Variants in ATG2B observed in about 807,000 individuals in gnomAD.
ATG2B encodes autophagy-related protein 2 homolog B.
Under a neutral mutation model 241.3 loss-of-function variants are expected in ATG2B, and 121 were observed. That is an observed-to-expected ratio of 0.50 (90% CI 0.43 to 0.58). The LOEUF (loss-of-function observed/expected upper bound fraction) is 0.58. ATG2B is among the 20% of genes least tolerant of loss of function. The pLI is 0.00. For synonymous variants in ATG2B, 858 were observed against 876.6 expected, an observed-to-expected ratio of 0.98 and a Z score of 0.37; for missense variants, 2,306 against 2,491.6, an observed-to-expected ratio of 0.93 and a Z score of 1.59.
intron 1 of ATG2B, among the ~76,000 whole-genome samples, chr14:96,351,633 G>A (rs1467880069): frequency 1.3e-5 from 2 of 152,032 alleles, no homozygotes; most frequent in Non-Finnish European, 2.9e-5. Context: ...CTACTCGGGA[G>A]GCTGAGGTAG....
intron 27 of ATG2B, 85 bp from the exon 28 acceptor site, chr14:96,311,372 G>A: frequency 7.6e-7 from 1 of 1,321,582 alleles, no homozygotes; most frequent in Non-Finnish European, 1.0e-6. Flanking sequence ...CATTAAATAA[G>A]ATTCATGATA....
At chr14:96,344,825 A>C in intron 3 of ATG2B, 69 bp from the exon 4 acceptor site, 1 of 621,134 alleles carries the variant, frequency 1.6e-6, no homozygotes, top group East Asian at 3.0e-5. Context: ...CCAAAGAAAT[A>C]AATAAGTACT....
At position 96,295,523 on chromosome 14, in the gene ATG2B, A is replaced by G. The variant is rs1255617516; in HGVS notation, c.5177T>C (p.Leu1726Pro). The G allele has an allele frequency of 1.2e-6, 2 of 1,606,940 alleles. No individual in the cohort carries two copies. The highest frequency in any genetic ancestry group is 3.4e-5 in the Admixed American group (2 of 58,352). ...CATTTGAAGCTCTACTTCTGCAGAA[A>G]GACTTGTGAAGAAATCCTTCAGGAA... ...LFFLKDFFTS[L>P]SAEVELQMTP... Residue 1726 changes from leucine to proline, a missense_variant, in exon 35 of 42, where the codon CTT becomes CCT. Physicochemically the swap from Leu to Pro is moderately conservative, Grantham distance 98. Around this residue, in one of 2 missense-constraint regions of ATG2B, gnomAD observed 379 missense variants for 480.4 expected, o/e 0.79. Coordinates refer to ENST00000359933, the MANE Select transcript of ATG2B (RefSeq NM_018036.7).
chr14:96,325,644 CT>C lies in ATG2B; in HGVS notation c.2437+4del. 1 of 1,607,590 alleles carries C rather than the reference CT, an allele frequency of 6.2e-7. No individual in the cohort carries two copies. On this transcript the variant is annotated splice_donor_region_variant and intron_variant, in intron 15 of 41. Coordinates refer to ENST00000359933, the MANE Select transcript of ATG2B (RefSeq NM_018036.7). ...TGGTTCTTTTACAGGCACATTCAAT[CT>C]TACCAATTAGTTCTCTAAAGGTAAG...
Position 96,347,326 on chromosome 14 carries a change from A to T in ATG2B, c.178T>A (p.Leu60Met). 6.3e-7 allele frequency: 1 copy of T among 1,585,404 alleles called. No individual in the cohort carries two copies. Among genetic ancestry groups the T allele is most frequent in the Non-Finnish European group, 8.6e-7 (1 of 1,158,666 alleles). ...PLDKWCLNEILESADAPLEVT... is the reference protein window; with the variant it reads ...PLDKWCLNEIMESADAPLEVT... ...TCTAAGGGTGCATCTGCTGACTCCA[A>T]GATCTCATTGAGACACTAAGGAGAA... Residue 60 changes from leucine to methionine, a missense_variant, in exon 2 of 42, where the codon TTG (leucine) becomes ATG (methionine). This residue lies in a region of ATG2B where 1,927 missense variants were observed against 2,011.2 expected (regional missense o/e 0.96). Transcript: ENST00000359933.
In ATG2B at chr14:96,305,241, C is replaced by T. The variant is rs116853352; in HGVS notation, c.4733+348G>A. On this transcript the variant is annotated intron_variant, in intron 31 of 41. Transcript: ENST00000359933. ...GGGGACAGGGCATGCCCGACCCCAC[C>T]TCCTGACACACTTCCTGCGTTTCAC... 4.2e-3 allele frequency among the ~76,000 whole-genome samples: 643 copies of T among 152,266 alleles called. 26 individuals are homozygous for T. In the South Asian group the frequency reaches 0.067, roughly 16 times the overall value.
chr14:96,320,853 A>T (rs1887440028), intron 18 of ATG2B, among the ~76,000 whole-genome samples: 2 of 152,284 alleles, frequency 1.3e-5, no homozygotes, highest in South Asian at 4.1e-4. Flanking sequence ...TAAAAGGAGG[A>T]GCCTAGAGAT....
intron 6 of ATG2B, among the ~76,000 whole-genome samples, chr14:96,338,179 C>T (rs749453212): frequency 6.6e-6 from 1 of 151,926 alleles, no homozygotes; most frequent in Non-Finnish European, 1.5e-5. Flanking sequence ...GATCTAGGAG[C>T]CTTTTTGATG....
At chr14:96,298,646 C>T (rs1250892841) in intron 34 of ATG2B, among the ~76,000 whole-genome samples, 2 of 152,284 alleles carry the variant, frequency 1.3e-5, no homozygotes, top group East Asian at 1.9e-4. Flanking sequence ...AAAGACTTAA[C>T]GCTAAGTACA....
intron 6 of ATG2B, among the ~76,000 whole-genome samples, chr14:96,339,328 A>G (rs189664974): frequency 4.3e-4 from 66 of 151,904 alleles, no homozygotes; most frequent in Admixed American, 3.8e-3. Flanking sequence ...ACACACATAT[A>G]TACACATATA....
At chr14:96,338,248 T>C (rs1887917690) in intron 6 of ATG2B, among the ~76,000 whole-genome samples, 1 of 152,108 alleles carries the variant, frequency 6.6e-6, no homozygotes, top group South Asian at 2.1e-4. Context: ...TAGTTAGACT[T>C]CCTCTTTTCC....
chr14:96,281,923 G>A lies in ATG2B; in HGVS notation c.*3832C>T, dbSNP rs1012372345. ...CCCCAAAGAAGCCTATTACGGTAGT[G>A]TGTTGGATGCTTTTTGTATCTCTGA... On this transcript the variant is annotated 3_prime_UTR_variant, in exon 42 of 42. Coordinates refer to ENST00000359933, the MANE Select transcript of ATG2B (RefSeq NM_018036.7). 1.1e-4 allele frequency: 17 copies of A among 152,336 alleles called. No homozygotes were observed. In the South Asian group the frequency reaches 1.9e-3, roughly 17 times the overall value. 9.4% of individuals were successfully genotyped at this position (152,336 alleles called of 1,614,324 possible).
Position 96,282,723 on chromosome 14 carries a change from T to C in ATG2B, c.*3032A>G, listed in dbSNP as rs1385736826. 2 of 152,264 alleles carry C rather than the reference T, an allele frequency of 1.3e-5. No homozygotes were observed. The highest frequency in any genetic ancestry group is 2.4e-5 in the African/African-American group (1 of 41,476). 9.4% of individuals were successfully genotyped at this position (152,264 alleles called of 1,614,324 possible). ...CAGGGGCAGACACAGTTGTCTGGAC[T>C]CTTTTGGAAATGAACAAAGACACTA... On this transcript the variant is annotated 3_prime_UTR_variant, in exon 42 of 42. Transcript: ENST00000359933.
chr14:96,317,262 G>C lies in ATG2B; in HGVS notation c.3093C>G (p.Pro1031=). Residue 1031 remains proline (P), a synonymous_variant, in exon 20 of 42, where the codon CCC becomes CCG. Coordinates refer to ENST00000359933, the MANE Select transcript of ATG2B (RefSeq NM_018036.7). Reference sequence around the variant, plus strand: ...TTTTTTTCCTGCGAGAACGATAGTTGGGATCAACAGTGGAAAAATACTGCA... The same window carrying C: ...TTTTTTTCCTGCGAGAACGATAGTTCGGATCAACAGTGGAAAAATACTGCA... ...ETLQYFSTVD[P]NYRSRRKKKL... is the part of the protein sequence containing the mutation. 6.2e-7 allele frequency: 1 copy of C among 1,613,568 alleles called. No individual in the cohort carries two copies. Among genetic ancestry groups the C allele is most frequent in the Non-Finnish European group, 8.5e-7 (1 of 1,179,746 alleles).
intron 6 of ATG2B, among the ~76,000 whole-genome samples, chr14:96,337,038 T>C (rs1341818897): frequency 1.3e-5 from 2 of 152,126 alleles, no homozygotes; most frequent in Non-Finnish European, 2.9e-5. Context: ...CTCTGAAAAA[T>C]CATTTTATGT....
chr14:96,311,467 G>C, intron 27 of ATG2B, 75 bp downstream of exon 27: 1 of 1,351,694 alleles, frequency 7.4e-7, no homozygotes, highest in East Asian at 2.5e-5. Context: ...TAGGTACACG[G>C]AAAAATGTTA....
intron 6 of ATG2B, among the ~76,000 whole-genome samples, chr14:96,339,073 T>C (rs1265071306): frequency 2.0e-5 from 3 of 151,866 alleles, no homozygotes; most frequent in East Asian, 3.9e-4. Flanking sequence ...AAAAACACAA[T>C]GAGATACCAC....
At chr14:96,302,224 G>A (rs1595298491) in intron 33 of ATG2B, 116 bp from the exon 34 acceptor site, 1 of 640,816 alleles carries the variant, frequency 1.6e-6, no homozygotes, top group African/African-American at 1.9e-5. Context: ...AGAAAAAGAG[G>A]AATTGTTTAC....
intron 17 of ATG2B, 49 bp from the exon 18 acceptor site, chr14:96,322,303 T>C (rs1887480251): frequency 5.8e-6 from 9 of 1,561,538 alleles, no homozygotes; most frequent in Non-Finnish European, 7.7e-6. Context: ...ATGTTTAAAA[T>C]AGTAGTAGCA....
Sources: gnomAD v4.1 joint callset for allele counts (sites outside exome capture counted in the v4.1 genomes callset) on GRCh38, gnomAD v4.1.1 for gene constraint, gnomAD v4.1.1 regional missense constraint, MANE v1.5 for transcripts, NCBI Gene and HGNC (gene_info 2026-07-23, HGNC 2026-07-21) for gene names.